Variants in SYT14 observed in about 807,000 individuals in gnomAD.
SYT14 encodes synaptotagmin 14.
In SYT14, 32 loss-of-function variants were observed where a neutral mutation model predicts 74.2. The observed-to-expected ratio is 0.43, with a 90% CI of 0.33 to 0.58. SYT14 has a LOEUF of 0.58. Among genes scored for constraint, SYT14 ranks in the 20% least tolerant of loss-of-function variants. The pLI, the probability that SYT14 is intolerant of heterozygous loss-of-function variation, is 0.05. For missense variants in SYT14, 791 were observed against 981.8 expected (o/e 0.81, Z 2.60); for synonymous variants, 298 against 337.7 (o/e 0.88, Z 1.29).
At chr1:210,110,146 T>A (rs767499783) in intron 7 of SYT14, among the ~76,000 whole-genome samples, 5 of 152,112 alleles carry the variant, frequency 3.3e-5, no homozygotes, top group African/African-American at 7.2e-5. Context: ...AGGGATAGCA[T>A]TAGGAGAAAT....
intron 7 of SYT14, among the ~76,000 whole-genome samples, chr1:210,105,376 G>A (rs151003723): frequency 3.3e-4 from 50 of 152,252 alleles, no homozygotes; most frequent in African/African-American, 1.0e-3. Flanking sequence ...TCTTCTGCTC[G>A]TAACCTTTAA....
intron 2 of SYT14, among the ~76,000 whole-genome samples, chr1:209,979,560 G>A (rs977627688): frequency 6.6e-6 from 1 of 151,920 alleles, no homozygotes; most frequent in Non-Finnish European, 1.5e-5. Context: ...TAGGTATTAA[G>A]CCCAGCATCC....
In SYT14 at chr1:210,021,271, TA is replaced by T. The variant is rs776872986; in HGVS notation, c.1312+18del. ...TAGATGAAGGTAAGATGGGCTGTTT[TA>T]TTTTTTTTACATGACACACTATAGT... On this transcript the variant is annotated intron_variant, in intron 5 of 9. Transcript: ENST00000637265. The T allele has an allele frequency of 7.5e-6, 12 of 1,605,304 alleles. No individual in the cohort carries two copies. Among genetic ancestry groups the T allele is most frequent in the Middle Eastern group, 1.6e-4 (1 of 6,068 alleles).
chr1:210,086,242 G>A (rs372195142), intron 5 of SYT14, among the ~76,000 whole-genome samples: 1 of 152,020 alleles, frequency 6.6e-6, no homozygotes, highest in East Asian at 1.9e-4. Flanking sequence ...GTTTAAGCTG[G>A]TATCTACCAG....
At chr1:210,086,888 C>T (rs1172660489) in intron 5 of SYT14, among the ~76,000 whole-genome samples, 4 of 152,102 alleles carry the variant, frequency 2.6e-5, no homozygotes, top group Non-Finnish European at 1.5e-5. Context: ...ATATTTGTAA[C>T]TCCCTTTTCC....
intron 5 of SYT14, among the ~76,000 whole-genome samples, chr1:210,085,975 A>G (rs184473836): frequency 6.6e-6 from 1 of 152,286 alleles, no homozygotes; most frequent in African/African-American, 2.4e-5. Context: ...TTCTTTAAAT[A>G]ATAAGTTCAC....
At chr1:209,988,538 G>C (rs913397963) in intron 2 of SYT14, among the ~76,000 whole-genome samples, 1 of 152,026 alleles carries the variant, frequency 6.6e-6, no homozygotes, top group Non-Finnish European at 1.5e-5. Context: ...AGATCTAATC[G>C]TGATTAGTTC....
At chr1:209,982,302 T>C (rs1009726767) in intron 2 of SYT14, among the ~76,000 whole-genome samples, 11 of 152,174 alleles carry the variant, frequency 7.2e-5, no homozygotes, top group Admixed American at 2.0e-4. Context: ...ACTACAGGCA[T>C]GTGCCACCGT....
chr1:210,012,003 T>C (rs1352837778), intron 2 of SYT14, among the ~76,000 whole-genome samples: 2 of 152,298 alleles, frequency 1.3e-5, no homozygotes, highest in East Asian at 3.9e-4. Flanking sequence ...GTATAAAACC[T>C]CTCTAGGTGA....
intron 5 of SYT14, among the ~76,000 whole-genome samples, chr1:210,085,899 TAA>T (rs1292883189): frequency 2.0e-5 from 3 of 152,176 alleles, no homozygotes; most frequent in Admixed American, 2.0e-4. Context: ...TATGGCCTCA[TAA>T]AATAAGTAGT....
chr1:210,115,044 T>C (rs934533113), intron 7 of SYT14, among the ~76,000 whole-genome samples: 6 of 151,180 alleles, frequency 4.0e-5, no homozygotes, highest in Non-Finnish European at 7.4e-5. Flanking sequence ...TGTAAAAGAA[T>C]GCCTGGACAT....
At chr1:209,975,236 C>T (rs1271639598) in intron 2 of SYT14, among the ~76,000 whole-genome samples, 1 of 152,116 alleles carries the variant, frequency 6.6e-6, no homozygotes, top group Non-Finnish European at 1.5e-5. Context: ...CTGGCCAGAA[C>T]TTCCAACACT....
rs1172431855 is a variant in SYT14 at position 209,996,566 on chromosome 1, C to T, written c.-485-17067C>T. 2.6e-5 allele frequency among the ~76,000 whole-genome samples: 4 copies of T among 151,952 alleles called. 1 individual carries two copies. Among genetic ancestry groups the T allele is most frequent in the Non-Finnish European group, 5.9e-5 (4 of 67,972 alleles). On this transcript the variant is annotated intron_variant, in intron 2 of 9. Transcript: ENST00000637265. Reference sequence around the variant, plus strand: ...GGTGCCAATCCTACTGAAACTATTCCAGGAAATCAAGGAGGAGGGACTCCT... The same window carrying T: ...GGTGCCAATCCTACTGAAACTATTCTAGGAAATCAAGGAGGAGGGACTCCT...
intron 2 of SYT14, among the ~76,000 whole-genome samples, chr1:209,997,628 G>A (rs1474968850): frequency 2.0e-5 from 3 of 151,916 alleles, no homozygotes; most frequent in Non-Finnish European, 4.4e-5. Flanking sequence ...TCTAAATTTC[G>A]TATGGAACGT....
In SYT14 at chr1:209,990,538, C is replaced by T. The variant is rs552323100; in HGVS notation, c.-485-23095C>T. ...GGAATATTTCACATATATATATATA[C>T]GTATATATATGTATATATATACGTA... On this transcript the variant is annotated intron_variant, in intron 2 of 9. Coordinates refer to ENST00000637265, the Ensembl canonical transcript of SYT14. Among the ~76,000 whole-genome samples the T allele has an allele frequency of 1.2e-4, 5 of 40,068 alleles. No individual in the cohort carries two copies. In the East Asian group the frequency reaches 2.5e-3, roughly 20 times the overall value. 26.3% of individuals were successfully genotyped at this position (40,068 alleles called of 152,430 possible).
intron 1 of SYT14, among the ~76,000 whole-genome samples, chr1:209,941,565 C>T (rs1158254700): frequency 6.6e-6 from 1 of 152,166 alleles, no homozygotes; most frequent in Non-Finnish European, 1.5e-5. Context: ...TTACATATTT[C>T]TCAGTTTTGT....
chr1:210,062,920 A>G (rs1005089804), intron 5 of SYT14, among the ~76,000 whole-genome samples: 7 of 151,354 alleles, frequency 4.6e-5, no homozygotes, highest in Non-Finnish European at 1.0e-4. Flanking sequence ...ATGTTGGTAA[A>G]TTTGACCGTT....
intron 5 of SYT14, among the ~76,000 whole-genome samples, chr1:210,091,753 T>C (rs899056064): frequency 6.6e-6 from 1 of 152,186 alleles, no homozygotes; most frequent in Admixed American, 6.5e-5. Context: ...CATATAGATA[T>C]GAAGAGTGAA....
chr1:210,143,128 C>T (rs1020016250), intron 7 of SYT14, among the ~76,000 whole-genome samples: 4 of 151,874 alleles, frequency 2.6e-5, no homozygotes, highest in Admixed American at 1.3e-4. Context: ...AGATACTATC[C>T]GGAGGAAAAA....
Sources: gnomAD v4.1 joint callset for allele counts (sites outside exome capture counted in the v4.1 genomes callset) on GRCh38, gnomAD v4.1.1 for gene constraint, MANE v1.5 for transcripts, NCBI Gene and HGNC (gene_info 2026-07-23, HGNC 2026-07-21) for gene names.